STAU1: variants seen among roughly 807,000 people sequenced by gnomAD.
STAU1 encodes double-stranded RNA-binding protein Staufen homolog 1.
In STAU1, 13 loss-of-function variants were observed where a neutral mutation model predicts 62.9. That is an observed-to-expected ratio of 0.21 (90% CI 0.13 to 0.33). STAU1 has a LOEUF of 0.33. Among genes scored for constraint, STAU1 ranks in the 10% least tolerant of loss-of-function variants. The probability of loss-of-function intolerance (pLI) is 1.00; values close to 1 mark genes in which losing one functional copy is unlikely to be tolerated. For missense variants in STAU1, 571 were observed against 712.1 expected (o/e 0.80, Z 2.25); for synonymous variants, 269 against 265.1 (o/e 1.01, Z -0.14).
At chr20:49,196,456 AAAAAGAAG>A in the STAU1 span, among the ~76,000 whole-genome samples, 2 of 150,484 alleles carry the variant, frequency 1.3e-5, no homozygotes, top group African/African-American at 4.9e-5. Flanking sequence ...AAAAAAAAAA[AAAAAGAAG>A]AAGAAGAAGA....
intron 6 of STAU1, among the ~76,000 whole-genome samples, chr20:49,126,585 A>AC (rs1486341449): frequency 8.9e-6 from 1 of 112,320 alleles, no homozygotes; most frequent in African/African-American, 3.3e-5. Flanking sequence ...AAAAAAAAAA[A>AC]AACAAAAAAA....
intron 8 of STAU1, among the ~76,000 whole-genome samples, chr20:49,122,172 A>G (rs1002622221): frequency 6.6e-6 from 1 of 152,224 alleles, no homozygotes; most frequent in African/African-American, 2.4e-5. Context: ...ATCACAATTA[A>G]GTTAAGCTGC....
At chr20:49,162,476 C>G (rs916094888) in intron 3 of STAU1, among the ~76,000 whole-genome samples, 66 of 152,112 alleles carry the variant, frequency 4.3e-4, no homozygotes, top group African/African-American at 1.5e-3. Flanking sequence ...AGCAAACACT[C>G]TAAGAACAGA....
intron 8 of STAU1, among the ~76,000 whole-genome samples, chr20:49,121,051 T>C (rs2145853410): frequency 6.6e-6 from 1 of 152,182 alleles, no homozygotes; most frequent in African/African-American, 2.4e-5. Flanking sequence ...ATGCTGGGAT[T>C]ACAGGCGTAA....
At chr20:49,131,804 C>T (rs6125563) in intron 6 of STAU1, among the ~76,000 whole-genome samples, 16,744 of 150,536 alleles carry the variant, frequency 0.11, 1,042 homozygotes, top group Non-Finnish European at 0.13. Context: ...GATCATGCCA[C>T]TGTTCTCTAG....
intron 3 of STAU1, chr20:49,158,938 C>A (rs2093407730): frequency 1.1e-6 from 1 of 912,636 alleles, no homozygotes; most frequent in Admixed American, 3.0e-5. Flanking sequence ...TAATCCTTTA[C>A]CCCCCTTGAC....
chr20:49,115,545 C>T (rs2092299504), intron 13 of STAU1, among the ~76,000 whole-genome samples: 1 of 152,180 alleles, frequency 6.6e-6, no homozygotes, highest in Admixed American at 6.5e-5. Context: ...TCATGATCCA[C>T]CTGCCTTGGC....
chr20:49,193,152 G>A (rs188029865), upstream of STAU1, among the ~76,000 whole-genome samples: 2,515 of 152,200 alleles, frequency 0.017, 38 homozygotes, highest in Non-Finnish European at 0.02. Context: ...CAAGGTGGGC[G>A]GATCACTTGA....
At chr20:49,159,914 T>C (rs1258392008) in intron 3 of STAU1, among the ~76,000 whole-genome samples, 1 of 152,222 alleles carries the variant, frequency 6.6e-6, no homozygotes, top group Non-Finnish European at 1.5e-5. Context: ...AATTATGTTT[T>C]AAAACAACAT....
intron 1 of STAU1, among the ~76,000 whole-genome samples, chr20:49,179,706 G>A (rs2093700985): frequency 6.6e-6 from 1 of 152,204 alleles, no homozygotes; most frequent in South Asian, 2.1e-4. Context: ...TCAGTTAATT[G>A]TAATCTATAG....
intron 5 of STAU1, among the ~76,000 whole-genome samples, chr20:49,149,081 T>C (rs2093186156): frequency 6.6e-6 from 1 of 151,884 alleles, no homozygotes; most frequent in South Asian, 2.1e-4. Flanking sequence ...TGAAACCCCA[T>C]CTCTACTAAA....
At chr20:49,186,834 A>C (rs2093793610) in intron 1 of STAU1, among the ~76,000 whole-genome samples, 1 of 152,000 alleles carries the variant, frequency 6.6e-6, no homozygotes, top group African/African-American at 2.4e-5. Context: ...CACGCTCTTA[A>C]CAATGAAAGC....
chr20:49,176,902 A>T (rs1010015446), intron 1 of STAU1, among the ~76,000 whole-genome samples: 21 of 145,796 alleles, frequency 1.4e-4, no homozygotes, highest in Middle Eastern at 7.4e-3. Context: ...TCTGAGAAGC[A>T]GGGTGTCTAG....
intron 1 of STAU1, among the ~76,000 whole-genome samples, chr20:49,174,898 C>T (rs2093640150): frequency 6.8e-6 from 1 of 146,698 alleles, no homozygotes; most frequent in African/African-American, 2.5e-5. Flanking sequence ...CGCACCACTG[C>T]ACTCCAGCCT....
intron 5 of STAU1, among the ~76,000 whole-genome samples, chr20:49,151,171 A>C (rs2146226553): frequency 6.6e-6 from 1 of 152,280 alleles, no homozygotes; most frequent in African/African-American, 2.4e-5. Context: ...GCTTCTATAT[A>C]ATCAAGAGTG....
the STAU1 span, among the ~76,000 whole-genome samples, chr20:49,216,578 A>G: frequency 6.6e-6 from 1 of 152,154 alleles, no homozygotes; most frequent in Non-Finnish European, 1.5e-5. Context: ...AATAAAAAAA[A>G]TGAATTGAGG....
At chr20:49,211,378 TTC>T in the STAU1 span, among the ~76,000 whole-genome samples, 44 of 150,522 alleles carry the variant, frequency 2.9e-4, 1 homozygote, top group Non-Finnish European at 2.1e-4. Context: ...CTTTTTTTTT[TTC>T]TTTTAATAGA....
intron 3 of STAU1, among the ~76,000 whole-genome samples, chr20:49,160,515 A>T (rs965504230): frequency 6.6e-6 from 1 of 152,216 alleles, no homozygotes; most frequent in Non-Finnish European, 1.5e-5. Context: ...GGTTGGGAAA[A>T]AAGTTAACTC....
intron 5 of STAU1, among the ~76,000 whole-genome samples, chr20:49,139,206 G>A (rs1048864801): frequency 3.3e-5 from 5 of 152,058 alleles, no homozygotes; most frequent in African/African-American, 4.8e-5. Flanking sequence ...CATGAAAACC[G>A]CAGACAACAA....
Sources: allele counts gnomAD v4.1 joint callset (sites outside exome capture counted in the v4.1 genomes callset), GRCh38; gene constraint gnomAD v4.1.1; transcripts MANE v1.5; gene names NCBI Gene and HGNC (gene_info 2026-07-23, HGNC 2026-07-21).